GRIK2: variants seen among roughly 807,000 people sequenced by gnomAD.
The protein encoded by GRIK2 is glutamate ionotropic receptor kainate type subunit 2.
A neutral mutation model predicts 100.3 loss-of-function variants in GRIK2; 32 were observed. That is an observed-to-expected ratio of 0.32 (90% confidence interval 0.24 to 0.43). GRIK2 has a LOEUF of 0.43. Ranked by LOEUF, GRIK2 falls within the 20% of genes least tolerant of loss-of-function variation. The pLI is 1.00. For missense variants in GRIK2, 843 were observed against 1,114.9 expected (o/e 0.76, Z 3.47); for synonymous variants, 417 against 389.4 (o/e 1.07, Z -0.83).
intron 14 of GRIK2, among the ~76,000 whole-genome samples, chr6:101,988,140 CGCGCGCGCGCGCGCGT>C (rs1291434946): frequency 0.066 from 888 of 13,410 alleles, 10 homozygotes; most frequent in African/African-American, 0.12. Flanking sequence ...TGTGCGCGCG[CGCGCGCGCGCGCGCGT>C]GCGCGCACAT....
At chr6:101,733,223 G>A (rs527304689) in intron 7 of GRIK2, among the ~76,000 whole-genome samples, 1 of 152,106 alleles carries the variant, frequency 6.6e-6, no homozygotes, top group South Asian at 2.1e-4. Flanking sequence ...ATCTAAATCA[G>A]ATATGGGTGA....
intron 14 of GRIK2, among the ~76,000 whole-genome samples, chr6:102,008,284 A>C (rs953419587): frequency 6.6e-6 from 1 of 152,102 alleles, no homozygotes; most frequent in Non-Finnish European, 1.5e-5. Flanking sequence ...CTTGGAAGAC[A>C]CAAAACAGCA....
At chr6:101,567,434 AT>A (rs35331453) in intron 2 of GRIK2, among the ~76,000 whole-genome samples, 1 of 151,600 alleles carries the variant, frequency 6.6e-6, no homozygotes, top group Non-Finnish European at 1.5e-5. Flanking sequence ...AGCATTCTTC[AT>A]TTTTTTTCTA....
chr6:101,816,513 A>G (rs1399498653), intron 9 of GRIK2, among the ~76,000 whole-genome samples: 1 of 152,108 alleles, frequency 6.6e-6, no homozygotes, highest in East Asian at 1.9e-4. Flanking sequence ...AACTAAAAAT[A>G]CAAATACAAA....
chr6:101,512,015 G>A (rs1006935515), intron 2 of GRIK2, among the ~76,000 whole-genome samples: 1 of 150,786 alleles, frequency 6.6e-6, no homozygotes, highest in Non-Finnish European at 1.5e-5. Context: ...TCTTCTAAAA[G>A]CTTTATCACT....
Position 101,447,076 on chromosome 6 carries a change from G to A in GRIK2, c.115+47684G>A, listed in dbSNP as rs1770423509. On this transcript the variant is annotated intron_variant, in intron 2 of 16. Coordinates refer to ENST00000369134, the MANE Select transcript of GRIK2 (RefSeq NM_021956.5). ...GTTTGTGTATATATATATTACAGTA[G>A]CCCTTTACTTTTTTTCTTTTCTCAA... Among the ~76,000 whole-genome samples the A allele has an allele frequency of 3.4e-5, 5 of 148,624 alleles. No individual in the cohort carries two copies. In the South Asian group the frequency reaches 1.1e-3, roughly 31 times the overall value.
chr6:101,929,481 TTA>T (rs1491495092), intron 14 of GRIK2, among the ~76,000 whole-genome samples: 3 of 151,498 alleles, frequency 2.0e-5, no homozygotes, highest in Non-Finnish European at 2.9e-5. Context: ...GTATTTTTTT[TTA>T]AAAAAATGAT....
intron 1 of GRIK2, among the ~76,000 whole-genome samples, chr6:101,396,244 C>T (rs531842983): frequency 0.05 from 5,975 of 118,436 alleles, 477 homozygotes; most frequent in African/African-American, 0.17. Context: ...TTTAGCATTC[C>T]CCCCCCCCCC....
intron 4 of GRIK2, among the ~76,000 whole-genome samples, chr6:101,642,247 G>A (rs2128324832): frequency 6.6e-6 from 1 of 151,766 alleles, no homozygotes; most frequent in East Asian, 1.9e-4. Context: ...TGTAATTGTG[G>A]TAAAATACAC....
chr6:101,814,699 T>A (rs952096315), intron 9 of GRIK2, among the ~76,000 whole-genome samples: 4 of 152,148 alleles, frequency 2.6e-5, no homozygotes, highest in African/African-American at 9.6e-5. Flanking sequence ...TCTAGAAATC[T>A]GTTTTTAAAA....
chr6:101,589,211 T>C (rs9386286), intron 2 of GRIK2, among the ~76,000 whole-genome samples: 26,376 of 152,134 alleles, frequency 0.17, 2,790 homozygotes, highest in African/African-American at 0.28. Context: ...TGTATGGATT[T>C]ATGTATAACA....
intron 2 of GRIK2, among the ~76,000 whole-genome samples, chr6:101,584,167 G>C (rs1406021127): frequency 2.0e-5 from 3 of 151,964 alleles, no homozygotes; most frequent in Non-Finnish European, 4.4e-5. Flanking sequence ...GAGAAATCTT[G>C]TAATTCCACT....
At position 101,928,345 on chromosome 6, in the gene GRIK2, G is replaced by A. The variant is rs545812853; in HGVS notation, c.1868-70G>A. On this transcript the variant is annotated intron_variant, in intron 13 of 16. Transcript: ENST00000369134. ...TACACAGTGATTCCATTCTGCCACTGTGACAAAAAGTATCTGATTGCTGAT... is the reference window on the plus strand; with the variant it reads ...TACACAGTGATTCCATTCTGCCACTATGACAAAAAGTATCTGATTGCTGAT... 8.5e-6 allele frequency: 7 copies of A among 825,236 alleles called. No individual in the cohort carries two copies. In the East Asian group the frequency reaches 1.7e-4, roughly 20 times the overall value. 51.1% of individuals were successfully genotyped at this position (825,236 alleles called of 1,614,324 possible).
At chr6:101,985,070 C>T (rs1793945052) in intron 14 of GRIK2, among the ~76,000 whole-genome samples, 1 of 151,550 alleles carries the variant, frequency 6.6e-6, no homozygotes, top group Non-Finnish European at 1.5e-5. Flanking sequence ...CATAACTAAC[C>T]TCGGTTAATA....
At chr6:101,762,360 T>A (rs971510453) in intron 7 of GRIK2, among the ~76,000 whole-genome samples, 10 of 151,914 alleles carry the variant, frequency 6.6e-5, no homozygotes, top group Non-Finnish European at 1.3e-4. Context: ...TTTTATTATT[T>A]TTTTTAAAGA....
intron 2 of GRIK2, among the ~76,000 whole-genome samples, chr6:101,591,155 G>C (rs1481461717): frequency 6.6e-6 from 1 of 151,744 alleles, no homozygotes. Context: ...TCTAGATGCA[G>C]CATTGATTTC....
At chr6:101,571,706 C>A (rs1932848960) in intron 2 of GRIK2, among the ~76,000 whole-genome samples, 1 of 152,048 alleles carries the variant, frequency 6.6e-6, no homozygotes, top group South Asian at 2.1e-4. Flanking sequence ...ATTTGTAGAA[C>A]TGTGCCTACT....
At chr6:102,026,618 T>C (rs1224926649) in intron 14 of GRIK2, among the ~76,000 whole-genome samples, 2 of 151,362 alleles carry the variant, frequency 1.3e-5, no homozygotes, top group Non-Finnish European at 3.0e-5. Flanking sequence ...CTAAAAAGGA[T>C]AACTGTCTTT....
chr6:101,824,281 C>T (rs1273380898), intron 10 of GRIK2, among the ~76,000 whole-genome samples: 1 of 152,098 alleles, frequency 6.6e-6, no homozygotes, highest in African/African-American at 2.4e-5. Context: ...TTATCCCTCA[C>T]ACCCCTCTTG....
Sources: allele counts gnomAD v4.1 joint callset (sites outside exome capture counted in the v4.1 genomes callset), GRCh38; gene constraint gnomAD v4.1.1; transcripts MANE v1.5; gene names NCBI Gene and HGNC (gene_info 2026-07-23, HGNC 2026-07-21).